The following MAPK10 variants were observed in gnomAD, a reference collection of about 807,000 sequenced individuals.
MAPK10 encodes the protein mitogen-activated protein kinase 10.
MAPK10 carries 25 observed loss-of-function variants against 59.3 expected under a neutral mutation model. The ratio of observed to expected loss-of-function variants is 0.42; its 90% CI spans 0.31 to 0.59. The LOEUF (loss-of-function observed/expected upper bound fraction) is 0.59, where lower values mean the gene tolerates loss of function less well. Ranked by LOEUF, MAPK10 falls within the 20% of genes least tolerant of loss-of-function variation. The probability of loss-of-function intolerance (pLI) is 0.15; values close to 1 mark genes in which losing one functional copy is unlikely to be tolerated. For missense variants in MAPK10, 351 were observed against 568.9 expected (o/e 0.62, Z 3.90); for synonymous variants, 190 against 200.5 (o/e 0.95, Z 0.44).
At chr4:86,151,464 T>G (rs1187272090) in intron 4 of MAPK10, among the ~76,000 whole-genome samples, 1 of 152,124 alleles carries the variant, frequency 6.6e-6, no homozygotes, top group Non-Finnish European at 1.5e-5. Flanking sequence ...TCAGTGTGAT[T>G]ATATCATTCC....
intron 1 of MAPK10, among the ~76,000 whole-genome samples, chr4:86,467,472 T>C (rs368785287): frequency 1.3e-3 from 196 of 152,270 alleles, no homozygotes; most frequent in African/African-American, 4.6e-3. Flanking sequence ...ATAGAGACAA[T>C]GTTGTATTTA....
chr4:86,394,136 G>A (rs1406002613), intron 1 of MAPK10, among the ~76,000 whole-genome samples: 3 of 152,076 alleles, frequency 2.0e-5, no homozygotes, highest in Non-Finnish European at 4.4e-5. Flanking sequence ...AGGCTTGGTG[G>A]CATGCACCTG....
chr4:86,273,519 A>C (rs564830724), intron 2 of MAPK10, among the ~76,000 whole-genome samples: 3 of 152,172 alleles, frequency 2.0e-5, no homozygotes, highest in Admixed American at 6.6e-5. Context: ...TTATCTCCAG[A>C]GAATATACTT....
intron 1 of MAPK10, among the ~76,000 whole-genome samples, chr4:86,550,452 A>G (rs961443176): frequency 6.8e-6 from 1 of 146,976 alleles, no homozygotes; most frequent in Non-Finnish European, 1.5e-5. Context: ...TAATCCCAGC[A>G]CTTTGTGGGG....
At chr4:86,553,150 T>G (rs1398523143) in intron 1 of MAPK10, among the ~76,000 whole-genome samples, 6 of 152,082 alleles carry the variant, frequency 3.9e-5, no homozygotes, top group Admixed American at 2.0e-4. Context: ...GAGTTAGAAT[T>G]TATGAGAAGA....
chr4:86,574,179 G>A (rs2149109329), intron 1 of MAPK10, among the ~76,000 whole-genome samples: 1 of 151,598 alleles, frequency 6.6e-6, no homozygotes, highest in South Asian at 2.1e-4. Flanking sequence ...CCTTGCGACA[G>A]TTTACTGAGA....
chr4:86,225,024 T>C (rs1461479043), intron 2 of MAPK10, among the ~76,000 whole-genome samples: 1 of 152,224 alleles, frequency 6.6e-6, no homozygotes, highest in Non-Finnish European at 1.5e-5. Context: ...ATTTAACTGC[T>C]AAAGTAAGTT....
chr4:86,207,477 G>A (rs1023177966), intron 2 of MAPK10, among the ~76,000 whole-genome samples: 2 of 152,146 alleles, frequency 1.3e-5, no homozygotes, highest in African/African-American at 4.8e-5. Flanking sequence ...AAGTCAGGTA[G>A]CGTGATGCCT....
At chr4:86,101,781 G>T (rs961373939) in intron 7 of MAPK10, 113 bp downstream of exon 7, 2 of 1,043,938 alleles carry the variant, frequency 1.9e-6, no homozygotes, top group East Asian at 2.4e-5. Context: ...TAGTATCAAA[G>T]AAATGAGGAA....
At chr4:86,274,166 GA>G (rs1342862200) in intron 2 of MAPK10, among the ~76,000 whole-genome samples, 1 of 151,960 alleles carries the variant, frequency 6.6e-6, no homozygotes, top group Non-Finnish European at 1.5e-5. Context: ...TATCTCCCAA[GA>G]TTGTCATATA....
At chr4:86,428,409 T>C (rs761502566) in intron 1 of MAPK10, among the ~76,000 whole-genome samples, 2 of 152,160 alleles carry the variant, frequency 1.3e-5, no homozygotes, top group Admixed American at 1.3e-4. Flanking sequence ...TCCTCCCACT[T>C]TGGCCTCCCA....
At chr4:86,305,345 T>C (rs2095547904) in intron 2 of MAPK10, among the ~76,000 whole-genome samples, 1 of 152,200 alleles carries the variant, frequency 6.6e-6, no homozygotes, top group Admixed American at 6.5e-5. Flanking sequence ...CTTACTGTTT[T>C]GTTTTAAGGT....
At chr4:86,134,877 T>C (rs1032703671) in intron 4 of MAPK10, among the ~76,000 whole-genome samples, 13 of 152,114 alleles carry the variant, frequency 8.5e-5, no homozygotes, top group Non-Finnish European at 1.6e-4. Context: ...ACTCGGGAAG[T>C]GCAAGGGGTC....
In MAPK10 at chr4:86,169,938, C is replaced by A. The variant is rs187602246; in HGVS notation, c.67-10471G>T. On this transcript the variant is annotated intron_variant, in intron 3 of 13. Coordinates refer to ENST00000641462, the MANE Select transcript of MAPK10 (RefSeq NM_138982.4). Reference sequence around the variant, plus strand: ...CATTCTTAAAGAAAAGAATTTCAACCCAGAATTTCATATCCAGCCAAACTA... The same window carrying A: ...CATTCTTAAAGAAAAGAATTTCAACACAGAATTTCATATCCAGCCAAACTA... Among the ~76,000 whole-genome samples, 790 of 152,076 alleles carry A rather than the reference C, an allele frequency of 5.2e-3. 4 individuals are homozygous for A. Among genetic ancestry groups the A allele is most frequent in the African/African-American group, 0.018 (746 of 41,492 alleles).
chr4:86,207,836 T>C (rs1188797645), intron 2 of MAPK10, among the ~76,000 whole-genome samples: 2 of 152,170 alleles, frequency 1.3e-5, no homozygotes, highest in Non-Finnish European at 2.9e-5. Flanking sequence ...ACTCATGATT[T>C]GGCTCTCTAT....
chr4:86,546,032 C>A (rs1048030706), intron 1 of MAPK10, among the ~76,000 whole-genome samples: 3 of 151,722 alleles, frequency 2.0e-5, no homozygotes, highest in African/African-American at 7.3e-5. Flanking sequence ...GGGCGGACTG[C>A]CTGAGCTCAG....
chr4:86,099,240 A>G (rs1275973468), intron 8 of MAPK10: 1 of 152,350 alleles, frequency 6.6e-6, no homozygotes, highest in East Asian at 1.9e-4. Context: ...GAAATATTTC[A>G]AGAAAAAAGA....
intron 4 of MAPK10, among the ~76,000 whole-genome samples, chr4:86,139,458 G>T (rs572338838): frequency 1.3e-5 from 2 of 150,938 alleles, no homozygotes; most frequent in African/African-American, 2.4e-5. Flanking sequence ...AATAAATGGT[G>T]CTGGGAAAAC....
At chr4:86,522,325 G>A (rs956222534) in intron 1 of MAPK10, among the ~76,000 whole-genome samples, 6 of 152,164 alleles carry the variant, frequency 3.9e-5, no homozygotes, top group Non-Finnish European at 7.3e-5. Flanking sequence ...AATACTGTTT[G>A]CCTATTAGGC....
Sources: gnomAD v4.1 joint callset for allele counts (sites outside exome capture counted in the v4.1 genomes callset) on GRCh38, gnomAD v4.1.1 for gene constraint, MANE v1.5 for transcripts, NCBI Gene and HGNC (gene_info 2026-07-23, HGNC 2026-07-21) for gene names.